Variants in DIS3L2 observed in about 807,000 individuals in gnomAD.
DIS3L2 encodes DIS3 like 3'-5' exoribonuclease 2, also known as DIS3-like exonuclease 2.
A neutral mutation model predicts 97.5 loss-of-function variants in DIS3L2; 34 were observed. The observed-to-expected ratio is 0.35, with a 90% CI of 0.27 to 0.46. The LOEUF (loss-of-function observed/expected upper bound fraction) is 0.46. Among genes scored for constraint, DIS3L2 ranks in the 20% least tolerant of loss-of-function variants. DIS3L2 has a pLI of 1.00. For missense variants in DIS3L2, 1,038 were observed against 1,146.0 expected (o/e 0.91, Z 1.36); for synonymous variants, 435 against 445.2 (o/e 0.98, Z 0.29).
chr2:232,253,141 A>G (rs1693463139), intron 12 of DIS3L2, among the ~76,000 whole-genome samples: 2 of 152,240 alleles, frequency 1.3e-5, no homozygotes, highest in Non-Finnish European at 2.9e-5. Context: ...AGCAAAAGTG[A>G]AAAAGACAAG....
chr2:232,060,726 A>G (rs993622273), intron 5 of DIS3L2, among the ~76,000 whole-genome samples: 2 of 152,154 alleles, frequency 1.3e-5, no homozygotes, highest in Admixed American at 1.3e-4. Context: ...ATTGCATTGA[A>G]TCTATAGATT....
intron 9 of DIS3L2, among the ~76,000 whole-genome samples, chr2:232,164,575 C>G (rs1690750340): frequency 6.6e-6 from 1 of 152,164 alleles, no homozygotes; most frequent in African/African-American, 2.4e-5. Flanking sequence ...TGTTACCCAC[C>G]TAGTTTGTGA....
chr2:232,227,291 A>T (rs1692675787), intron 10 of DIS3L2, among the ~76,000 whole-genome samples: 1 of 152,200 alleles, frequency 6.6e-6, no homozygotes, highest in Non-Finnish European at 1.5e-5. Flanking sequence ...GTTTGTCAAG[A>T]ACCCGATGCT....
chr2:232,293,620 T>G lies in DIS3L2; in HGVS notation c.1660-6420T>G, dbSNP rs1397420787. On this transcript the variant is annotated intron_variant, in intron 13 of 20. Transcript: ENST00000325385. This position sits in a 1 kb window ranked among gnomAD's most constrained non-coding sequence, Gnocchi z 4.6. ...CAGGAGCTGGAGAGTGACCCTTCCC[T>G]GTCCTGTAAGACTCCTTCTGTCTGT... is the stretch of plus-strand genomic sequence containing the variant. Among the ~76,000 whole-genome samples, 3 of 152,174 alleles carry G rather than the reference T, an allele frequency of 2.0e-5. No homozygotes were observed. The highest frequency in any genetic ancestry group is 2.9e-5 in the Non-Finnish European group (2 of 68,030).
chr2:232,130,660 AC>A lies in DIS3L2; in HGVS notation c.645del (p.Cys216AlafsTer122), dbSNP rs1328362747. Reference sequence around the variant, plus strand: ...TGCACCGGTTACAAAAGATGAGACCACCTGCATTTCACAAGACACAAGAGCT... The same window carrying A: ...TGCACCGGTTACAAAAGATGAGACCACTGCATTTCACAAGACACAAGAGCT... ...GDAPVTKDET[T>X]CISQDTRALS... On this transcript the variant is annotated frameshift_variant, in exon 7 of 21. Coordinates refer to ENST00000325385, the MANE Select transcript of DIS3L2 (RefSeq NM_152383.5). LOFTEE classifies it high-confidence loss of function. 3.1e-6 allele frequency: 5 copies of A among 1,613,764 alleles called. No individual in the cohort carries two copies. Among genetic ancestry groups the A allele is most frequent in the Non-Finnish European group, 4.2e-6 (5 of 1,179,854 alleles).
intron 14 of DIS3L2, 28 bp from the exon 15 acceptor site, chr2:232,329,785 T>TCCCCGGGGGGCCC (rs1318587735): frequency 9.0e-5 from 87 of 967,058 alleles, no homozygotes; most frequent in Non-Finnish European, 9.6e-5. Context: ...ACCCCAGCGG[T>TCCCCGGGGGGCCC]CCCTCCCATC....
At chr2:232,033,715 A>G (rs190180057) in intron 5 of DIS3L2, among the ~76,000 whole-genome samples, 2 of 152,264 alleles carry the variant, frequency 1.3e-5, no homozygotes, top group East Asian at 1.9e-4. Flanking sequence ...TTCTGCATCT[A>G]TTGAGATAAT....
chr2:232,161,348 T>G (rs1307404216), intron 8 of DIS3L2, among the ~76,000 whole-genome samples: 1 of 152,224 alleles, frequency 6.6e-6, no homozygotes, highest in Non-Finnish European at 1.5e-5. Flanking sequence ...TTTCTTCCTT[T>G]CCGATGTGAG....
At chr2:232,202,083 C>A (rs962694485) in intron 9 of DIS3L2, among the ~76,000 whole-genome samples, 4 of 152,196 alleles carry the variant, frequency 2.6e-5, no homozygotes, top group Admixed American at 2.6e-4. Context: ...TGTCCTTTGT[C>A]CTCTGCTTCA....
At chr2:232,257,366 C>G (rs994451153) in intron 12 of DIS3L2, among the ~76,000 whole-genome samples, 3 of 152,110 alleles carry the variant, frequency 2.0e-5, no homozygotes, top group Non-Finnish European at 4.4e-5. Flanking sequence ...TCTTCCAGCC[C>G]GTCCTCTCTC....
chr2:232,197,701 G>C (rs1466539104), intron 9 of DIS3L2, among the ~76,000 whole-genome samples: 1 of 152,164 alleles, frequency 6.6e-6, no homozygotes, highest in Non-Finnish European at 1.5e-5. Flanking sequence ...GGGCGCGGTG[G>C]CTCAAGCCTG....
At chr2:232,327,894 C>A (rs773726801) in intron 14 of DIS3L2, among the ~76,000 whole-genome samples, 5 of 152,230 alleles carry the variant, frequency 3.3e-5, no homozygotes, top group Non-Finnish European at 7.3e-5. Flanking sequence ...GCGTCCATGA[C>A]AGCCCTGAGC....
intron 6 of DIS3L2, among the ~76,000 whole-genome samples, chr2:232,088,640 A>G (rs1211722345): frequency 6.6e-6 from 1 of 152,092 alleles, no homozygotes; most frequent in Non-Finnish European, 1.5e-5. Context: ...AGCCTTAGAA[A>G]GTATTTTGAT....
intron 9 of DIS3L2, among the ~76,000 whole-genome samples, chr2:232,177,279 T>G (rs1337710321): frequency 6.8e-6 from 1 of 146,736 alleles, no homozygotes; most frequent in Non-Finnish European, 1.5e-5. Flanking sequence ...TGTGCATGTG[T>G]CTTTATAGCA....
chr2:231,977,225 A>G (rs1693124632), intron 1 of DIS3L2, among the ~76,000 whole-genome samples: 1 of 152,202 alleles, frequency 6.6e-6, no homozygotes, highest in Admixed American at 6.5e-5. Flanking sequence ...AAGTTGAACC[A>G]TCATAAGTTG....
At chr2:232,056,409 G>C (rs543421495) in intron 5 of DIS3L2, among the ~76,000 whole-genome samples, 49 of 151,788 alleles carry the variant, frequency 3.2e-4, no homozygotes, top group African/African-American at 1.2e-3. Flanking sequence ...ACAAAAAACA[G>C]TAACCATGAA....
intron 3 of DIS3L2, among the ~76,000 whole-genome samples, chr2:232,017,385 C>T (rs970673949): frequency 2.6e-5 from 4 of 152,190 alleles, no homozygotes; most frequent in Admixed American, 1.3e-4. Context: ...AGGCATGAGC[C>T]ACCACACCCA....
At chr2:231,995,623 G>A (rs1315858722) in intron 1 of DIS3L2, among the ~76,000 whole-genome samples, 2 of 152,196 alleles carry the variant, frequency 1.3e-5, no homozygotes, top group African/African-American at 4.8e-5. Context: ...ACTAACACCA[G>A]AAAGTGCTCC....
chr2:231,988,138 TG>T (rs1693474172), intron 1 of DIS3L2, among the ~76,000 whole-genome samples: 1 of 152,230 alleles, frequency 6.6e-6, no homozygotes, highest in African/African-American at 2.4e-5. Flanking sequence ...CCACCGCACC[TG>T]GCCTATTTTT....
Sources: gnomAD v4.1 joint callset for allele counts (sites outside exome capture counted in the v4.1 genomes callset) on GRCh38, gnomAD v4.1.1 for gene constraint, Gnocchi (gnomAD v3.1) non-coding constraint, MANE v1.5 for transcripts, NCBI Gene and HGNC (gene_info 2026-07-23, HGNC 2026-07-21) for gene names.